The following TRMU variants were observed in gnomAD, a reference collection of about 807,000 sequenced individuals.
TRMU encodes the protein tRNA mitochondrial 2-thiouridylase, also known as mitochondrial tRNA-specific 2-thiouridylase 1.
A neutral mutation model predicts 46.9 loss-of-function variants in TRMU; 49 were observed. The observed-to-expected ratio is 1.05, with a 90% CI of 0.83 to 1.33. The LOEUF is 1.33. TRMU is among the 40% of genes most tolerant of loss of function. TRMU has a pLI of 0.00. For missense variants in TRMU, 572 were observed against 532.4 expected, an observed-to-expected ratio of 1.07 and a Z score of -0.73; for synonymous variants, 241 against 200.9, an observed-to-expected ratio of 1.20 and a Z score of -1.69.
chr22:46,352,103 G>A lies in TRMU; in HGVS notation c.652-18G>A, dbSNP rs372850511. 1 of 1,612,366 alleles carries A rather than the reference G, an allele frequency of 6.2e-7. No homozygotes were observed. Among genetic ancestry groups the A allele is most frequent in the Non-Finnish European group, 8.5e-7 (1 of 1,180,008 alleles). ...CGCCACTTCTGCTCCTCTCACGGCT[G>A]CCGTCTTCTCATTTCAGAGCATGGG... On this transcript the variant is annotated intron_variant, in intron 5 of 10. Transcript: ENST00000645190.
At chr22:46,340,944 G>A (rs112726258) in intron 2 of TRMU, among the ~76,000 whole-genome samples, 47 of 152,376 alleles carry the variant, frequency 3.1e-4, no homozygotes, top group African/African-American at 1.1e-3. Context: ...CCAGCTGCCC[G>A]TGGAGGCATT....
chr22:46,353,705 G>A, intron 7 of TRMU, 62 bp from the exon 8 acceptor site: 1 of 1,494,984 alleles, frequency 6.7e-7, no homozygotes, highest in South Asian at 1.1e-5. Flanking sequence ...CCTTCATGAT[G>A]AGGCGTGACA....
At chr22:46,352,515 G>A in intron 7 of TRMU, 185 bp downstream of exon 7, 2 of 681,034 alleles carry the variant, frequency 2.9e-6, no homozygotes, top group South Asian at 3.2e-5. Flanking sequence ...GTGGCTGGGT[G>A]CACTTCCAGA....
intron 7 of TRMU, 50 bp downstream of exon 7, chr22:46,352,380 C>A (rs761057546): frequency 1.3e-6 from 2 of 1,598,766 alleles, no homozygotes; most frequent in East Asian, 4.5e-5. Flanking sequence ...AGAGCTGTGG[C>A]GTTTCAGCTC....
In TRMU at chr22:46,355,461, C is replaced by T. The variant is rs1569087775; in HGVS notation, c.891C>T (p.His297=). The T allele has an allele frequency of 1.9e-6, 3 of 1,612,930 alleles. No individual in the cohort carries two copies. Among genetic ancestry groups the T allele is most frequent in the Middle Eastern group, 1.7e-4 (1 of 6,058 alleles). Residue 297 remains histidine, a synonymous_variant, in exon 9 of 11, where the codon CAC becomes CAT. Transcript: ENST00000645190. ...GDVFVAPRTD[H]PALYRDLLRT... The stretch of plus-strand genomic sequence containing the variant: ...TTCTGCAGGCCCCCCGGACAGACCA[C>T]CCAGCCCTGTACAGGGACCTGCTGA...
Position 46,337,834 on chromosome 22 carries a change from G to A in TRMU, c.138G>A (p.Gly46=), listed in dbSNP as rs1171410434. ...MKNWDSLDEH[G]VCTADKDCED... ...ACTGGGACTCACTGGATGAACATGG[G>A]GTCTGTACTGCCGACAAAGACTGTG... The change falls in exon 2 of 11, where the codon GGG becomes GGA. Residue 46 remains glycine (G), a synonymous_variant. Transcript: ENST00000645190. 6.2e-7 allele frequency: 1 copy of A among 1,614,184 alleles called. No individual in the cohort carries two copies. Among genetic ancestry groups the A allele is most frequent in the Non-Finnish European group, 8.5e-7 (1 of 1,180,038 alleles).
chr22:46,357,155 G>T lies in TRMU; in HGVS notation c.*149G>T, dbSNP rs542744986. Reference sequence around the variant, plus strand: ...GGGTCCGAAAAGCCTGCAGGGGCCCGGCGAGCCCCAGGAAGAGCCTCAGCT... The same window carrying T: ...GGGTCCGAAAAGCCTGCAGGGGCCCTGCGAGCCCCAGGAAGAGCCTCAGCT... On this transcript the variant is annotated 3_prime_UTR_variant, in exon 11 of 11. Transcript: ENST00000645190. 1 of 1,075,152 alleles carries T rather than the reference G, an allele frequency of 9.3e-7. No homozygotes were observed. The highest frequency in any genetic ancestry group is 1.6e-5 in the African/African-American group (1 of 63,808). The allele number at this position is 1,075,152 out of a possible 1,614,324, so 66.6% of individuals were successfully genotyped here.
intron 10 of TRMU, chr22:46,356,525 A>G (rs949597809): frequency 4.4e-6 from 2 of 455,912 alleles, no homozygotes; most frequent in African/African-American, 3.9e-5. Flanking sequence ...GGCTGCCACC[A>G]TGCTCCTTCC....
Position 46,348,166 on chromosome 22 carries a change from T to G in TRMU, c.478+1622T>G, listed in dbSNP as rs1372816728. ...CAGGGTGGAATTCACCAAGTAATTG[T>G]GCATTTACGGGGCCTGAGGAGATGG... On this transcript the variant is annotated intron_variant, in intron 4 of 10. Coordinates refer to ENST00000645190, the MANE Select transcript of TRMU (RefSeq NM_018006.5). The surrounding 1 kb of genome is among the most constrained non-coding windows in gnomAD (Gnocchi z 4.8). 1.3e-5 allele frequency among the ~76,000 whole-genome samples: 2 copies of G among 152,202 alleles called. No individual in the cohort carries two copies. Among genetic ancestry groups the G allele is most frequent in the Non-Finnish European group, 2.9e-5 (2 of 68,030 alleles).
At chr22:46,356,182 G>C (rs2078603201) in intron 10 of TRMU, 110 bp downstream of exon 10, 4 of 1,265,130 alleles carry the variant, frequency 3.2e-6, no homozygotes, top group Non-Finnish European at 4.5e-6. Context: ...GGTGTGCTCG[G>C]GTCACACAGC....
chr22:46,337,973 C>G (rs751003620), intron 2 of TRMU, 29 bp downstream of exon 2: 20 of 1,613,654 alleles, frequency 1.2e-5, no homozygotes, highest in Non-Finnish European at 1.7e-5. Context: ...ACAAAGGAAG[C>G]TTCCTCACAC....
rs974924472 is a variant in TRMU, at chr22:46,339,252, C to T, written c.248+1308C>T. ...GCAACATCTGCCTCCCAGGTTCAAG[C>T]GATTCTCATGCCTCAGCCTCCCAAG... is the stretch of plus-strand genomic sequence containing the variant. On this transcript the variant is annotated intron_variant, in intron 2 of 10. Coordinates refer to ENST00000645190, the MANE Select transcript of TRMU (RefSeq NM_018006.5). The surrounding 1 kb of genome is among the most constrained non-coding windows in gnomAD (Gnocchi z 4.8). 4.6e-5 allele frequency among the ~76,000 whole-genome samples: 7 copies of T among 152,130 alleles called. No individual in the cohort carries two copies. The highest frequency in any genetic ancestry group is 2.1e-4 in the South Asian group (1 of 4,828).
chr22:46,357,259 G>A lies in TRMU; in HGVS notation c.*253G>A. 1.7e-6 allele frequency: 1 copy of A among 585,138 alleles called. No individual in the cohort carries two copies. Among genetic ancestry groups the A allele is most frequent in the Non-Finnish European group, 3.0e-6 (1 of 329,650 alleles). The allele number at this position is 585,138 out of a possible 1,614,324, so 36.2% of individuals were successfully genotyped here. A position where few individuals can be genotyped will look rare whatever the true frequency, so the allele number is the denominator to read the frequency against. On this transcript the variant is annotated 3_prime_UTR_variant, in exon 11 of 11. Coordinates refer to ENST00000645190, the MANE Select transcript of TRMU (RefSeq NM_018006.5). ...GTTCCCCTTCACCGCCCCCAGGGAG[G>A]GTTTCCCACCTCAGAGTACACCGAG...
intron 3 of TRMU, among the ~76,000 whole-genome samples, chr22:46,346,219 A>G (rs1014667529): frequency 4.6e-5 from 7 of 152,206 alleles, no homozygotes; most frequent in African/African-American, 1.7e-4. Flanking sequence ...GTATCAGCTT[A>G]AGAGTTCAAG....
At chr22:46,346,758 C>T (rs546359204) in intron 4 of TRMU, among the ~76,000 whole-genome samples, 23 of 152,350 alleles carry the variant, frequency 1.5e-4, no homozygotes, top group African/African-American at 5.1e-4. Flanking sequence ...CCCTGCCGGC[C>T]ATGGTGAGGG....
At chr22:46,354,726 G>A (rs920213641) in intron 8 of TRMU, 1 of 152,930 alleles carries the variant, frequency 6.5e-6, no homozygotes, top group Admixed American at 6.5e-5. Context: ...GCTGTGAGAA[G>A]ACCAGAAGGG....
chr22:46,338,040 A>C lies in TRMU; in HGVS notation c.248+96A>C. 2 of 1,539,984 alleles carry C rather than the reference A, an allele frequency of 1.3e-6. No homozygotes were observed. The highest frequency in any genetic ancestry group is 2.2e-5 in the East Asian group (1 of 44,480). ...CCAGCCAGACCGACGCCTGTGCTGC[A>C]GCCCAGCGCTCTCCCTCCACGGTGG... On this transcript the variant is annotated intron_variant, in intron 2 of 10. Transcript: ENST00000645190. The surrounding 1 kb of genome is among the most constrained non-coding windows in gnomAD (Gnocchi z 4.5).
rs2078339911 is a variant in TRMU at position 46,349,205 on chromosome 22, G to T, written c.479-1086G>T. Among the ~76,000 whole-genome samples, 1 of 151,942 alleles carries T rather than the reference G, an allele frequency of 6.6e-6. No homozygotes were observed. Among genetic ancestry groups the T allele is most frequent in the South Asian group, 2.1e-4 (1 of 4,824 alleles). On this transcript the variant is annotated intron_variant, in intron 4 of 10. Transcript: ENST00000645190. The surrounding 1 kb of genome is among the most constrained non-coding windows in gnomAD (Gnocchi z 4.6). ...CGTGGCGACTGGTCGGCTGAACTTG[G>T]TCTCACTTGTCACTCAGTTCTGCTG...
In TRMU at chr22:46,350,248, T is replaced by TA. The variant is rs1437883150; in HGVS notation, c.479-42dup. 1 of 1,612,686 alleles carries TA rather than the reference T, an allele frequency of 6.2e-7. No individual in the cohort carries two copies. Among genetic ancestry groups the TA allele is most frequent in the African/African-American group, 1.3e-5 (1 of 74,904 alleles). On this transcript the variant is annotated intron_variant, in intron 4 of 10. Coordinates refer to ENST00000645190, the MANE Select transcript of TRMU (RefSeq NM_018006.5). This position sits in a 1 kb window ranked among gnomAD's most constrained non-coding sequence, Gnocchi z 4.6. ...GACATTGTTGAAAGTGAAGTATCATTATTTTTATTCCTGCATCGTCTTTTG... is the reference window on the plus strand; with the variant it reads ...GACATTGTTGAAAGTGAAGTATCATTAATTTTTATTCCTGCATCGTCTTTTG...
Sources: allele counts gnomAD v4.1 joint callset (sites outside exome capture counted in the v4.1 genomes callset), GRCh38; gene constraint gnomAD v4.1.1; non-coding constraint Gnocchi (gnomAD v3.1); transcripts MANE v1.5; gene names NCBI Gene and HGNC (gene_info 2026-07-23, HGNC 2026-07-21).